The following SPOPL variants were observed in gnomAD, a reference collection of about 807,000 sequenced individuals.
SPOPL encodes the protein speckle-type POZ protein-like.
In SPOPL, 23 loss-of-function variants were observed where a neutral mutation model predicts 53.8. That is an observed-to-expected ratio of 0.43 (90% confidence interval 0.31 to 0.61). The LOEUF (loss-of-function observed/expected upper bound fraction) is 0.61. SPOPL is among the 20% of genes least tolerant of loss of function. The pLI is 0.12. For missense variants in SPOPL, 442 were observed against 466.9 expected (o/e 0.95, Z 0.49); for synonymous variants, 164 against 149.7 (o/e 1.10, Z -0.70).
rs1685772143 is a variant in SPOPL at position 138,571,150 on chromosome 2, A to C, written c.*2070A>C. ...ACATTTCCAGTTTTAAGATTTTGCG[A>C]GGGTCTTATAAGAAAACAAAAATTC... is the stretch of plus-strand genomic sequence containing the variant. On this transcript the variant is annotated 3_prime_UTR_variant, in exon 11 of 11. Transcript: ENST00000280098. 1 of 152,138 alleles carries C rather than the reference A, an allele frequency of 6.6e-6. No individual in the cohort carries two copies. The highest frequency in any genetic ancestry group is 2.4e-5 in the African/African-American group (1 of 41,446). The allele number at this position is 152,138 out of a possible 1,614,324, so 9.4% of individuals were successfully genotyped here. A position where few individuals can be genotyped will look rare whatever the true frequency, so the allele number is the denominator to read the frequency against.
At chr2:138,518,646 T>C (rs375541845) in intron 1 of SPOPL, among the ~76,000 whole-genome samples, 24 of 152,328 alleles carry the variant, frequency 1.6e-4, no homozygotes, top group East Asian at 7.7e-4. Context: ...TCAAAGGTTA[T>C]ACAATTCCTA....
rs371193015 is a variant in SPOPL at position 138,559,022 on chromosome 2, G to A, written c.481G>A (p.Val161Met). The A allele has an allele frequency of 1.9e-6, 3 of 1,580,278 alleles. No individual in the cohort carries two copies. The highest frequency in any genetic ancestry group is 2.7e-5 in the African/African-American group (2 of 73,244). Residue 161 changes from valine (V) to methionine (M), a missense_variant and splice_region_variant, in exon 6 of 11, where the codon GTG becomes ATG. Transcript: ENST00000280098. The part of the protein sequence containing the change: ...PDDKLTLFCE[V>M]SVVQDSVNIS... ...TTTCTTGCTGTCCCTTTTTTATTAG[G>A]TGAGTGTGGTCCAAGATTCAGTAAA... is the stretch of plus-strand genomic sequence containing the variant.
intron 1 of SPOPL, among the ~76,000 whole-genome samples, chr2:138,519,573 A>T (rs1684514173): frequency 2.0e-5 from 3 of 152,212 alleles, no homozygotes; most frequent in African/African-American, 7.2e-5. Flanking sequence ...TTTAGGTGGG[A>T]GGATCACTTG....
intron 10 of SPOPL, among the ~76,000 whole-genome samples, chr2:138,565,592 A>G (rs1264678418): frequency 1.3e-5 from 2 of 152,030 alleles, no homozygotes; most frequent in African/African-American, 4.8e-5. Context: ...CATGACTTTT[A>G]TATTCTTTGT....
At chr2:138,555,505 A>C (rs1055007332) in intron 5 of SPOPL, among the ~76,000 whole-genome samples, 8 of 152,176 alleles carry the variant, frequency 5.3e-5, no homozygotes, top group African/African-American at 1.7e-4. Flanking sequence ...CAAAAAGTCT[A>C]AAACTCGCTA....
At chr2:138,554,592 C>A in intron 5 of SPOPL, 4 of 1,117,748 alleles carry the variant, frequency 3.6e-6, no homozygotes, top group Non-Finnish European at 4.7e-6. Context: ...CTTGCAAGTT[C>A]CCTACAGTGG....
intron 5 of SPOPL, chr2:138,554,341 G>A (rs142008278): frequency 8.4e-5 from 43 of 512,902 alleles, no homozygotes; most frequent in African/African-American, 6.9e-4. Context: ...CCTGGGCACC[G>A]TATTTAGCAT....
chr2:138,564,043 C>T (rs1216000685), intron 8 of SPOPL, among the ~76,000 whole-genome samples: 1 of 152,068 alleles, frequency 6.6e-6, no homozygotes, highest in Admixed American at 6.5e-5. Flanking sequence ...TAGAAAACTC[C>T]AGAAAATGCA....
intron 1 of SPOPL, among the ~76,000 whole-genome samples, chr2:138,544,721 G>C (rs1206982023): frequency 6.6e-6 from 1 of 152,122 alleles, no homozygotes; most frequent in African/African-American, 2.4e-5. Flanking sequence ...GCTCATGCTC[G>C]GTGCGCTGCA....
chr2:138,560,190 T>TA (rs1685513597), intron 7 of SPOPL, among the ~76,000 whole-genome samples: 1 of 152,194 alleles, frequency 6.6e-6, no homozygotes, highest in Admixed American at 6.6e-5. Context: ...AGCAAGGAAG[T>TA]GCCAGTATAT....
chr2:138,553,700 AT>A (rs932491645), intron 5 of SPOPL, among the ~76,000 whole-genome samples: 107 of 152,212 alleles, frequency 7.0e-4, no homozygotes, highest in Middle Eastern at 3.5e-3. Context: ...ATTGCATCTT[AT>A]TTTTTACTTA....
At chr2:138,557,632 T>G (rs1685456381) in intron 5 of SPOPL, among the ~76,000 whole-genome samples, 1 of 152,206 alleles carries the variant, frequency 6.6e-6, no homozygotes, top group Admixed American at 6.5e-5. Flanking sequence ...AATGAAATAT[T>G]GTTAAATTAA....
chr2:138,564,995 T>C lies in SPOPL; in HGVS notation c.1034+2T>C, dbSNP rs1243399470. On this transcript the variant is annotated splice_donor_variant, in intron 10 of 10. Coordinates refer to ENST00000280098, the MANE Select transcript of SPOPL (RefSeq NM_001001664.3). LOFTEE classifies it high-confidence loss of function. ...AGATGGGAAAAACTGGAACAGCAAGTAAGATGACATCAGTTTCTGACTCAA... is the reference window on the plus strand; with the variant it reads ...AGATGGGAAAAACTGGAACAGCAAGCAAGATGACATCAGTTTCTGACTCAA... The C allele has an allele frequency of 6.2e-7, 1 of 1,613,954 alleles. No individual in the cohort carries two copies.
rs186779354 is a variant in SPOPL, at chr2:138,515,396, G to C, written c.-61+13277G>C. On this transcript the variant is annotated intron_variant, in intron 1 of 10. Coordinates refer to ENST00000280098, the MANE Select transcript of SPOPL (RefSeq NM_001001664.3). ...GGGTTTTGCTACAGTTGAAAGAAGG[G>C]GAACACTATATGAGCAGATCTTTCT... Among the ~76,000 whole-genome samples the C allele has an allele frequency of 2.0e-5, 3 of 152,202 alleles. No homozygotes were observed. The East Asian group carries it at 5.8e-4, about 29-fold the overall frequency.
chr2:138,538,240 TTCAAG>T (rs1241882518), intron 1 of SPOPL, among the ~76,000 whole-genome samples: 1 of 152,168 alleles, frequency 6.6e-6, no homozygotes, highest in Non-Finnish European at 1.5e-5. Flanking sequence ...TATACTGCTG[TTCAAG>T]TCTTCTATCT....
At chr2:138,532,610 T>A (rs1209555655) in intron 1 of SPOPL, among the ~76,000 whole-genome samples, 1 of 145,466 alleles carries the variant, frequency 6.9e-6, no homozygotes, top group African/African-American at 2.5e-5. Flanking sequence ...TTTTTTTTTT[T>A]TTTTTGTATT....
chr2:138,509,941 C>T (rs1050148814), intron 1 of SPOPL, among the ~76,000 whole-genome samples: 1 of 152,174 alleles, frequency 6.6e-6, no homozygotes, highest in Non-Finnish European at 1.5e-5. Context: ...CCCTGACAAC[C>T]ATTGATCTTT....
At chr2:138,526,201 A>G (rs1279814199) in intron 1 of SPOPL, among the ~76,000 whole-genome samples, 2 of 152,226 alleles carry the variant, frequency 1.3e-5, no homozygotes, top group African/African-American at 4.8e-5. Context: ...ACTTTAGAAC[A>G]AAGTGGAATG....
chr2:138,526,059 C>T (rs1684668897), intron 1 of SPOPL, among the ~76,000 whole-genome samples: 1 of 152,100 alleles, frequency 6.6e-6, no homozygotes, highest in Non-Finnish European at 1.5e-5. Flanking sequence ...CCTTCAATCT[C>T]CCAGTTTTAA....
Sources: allele counts gnomAD v4.1 joint callset (sites outside exome capture counted in the v4.1 genomes callset), GRCh38; gene constraint gnomAD v4.1.1; transcripts MANE v1.5; gene names NCBI Gene and HGNC (gene_info 2026-07-23, HGNC 2026-07-21).